The following CDKL4 variants were observed in gnomAD, a reference collection of about 807,000 sequenced individuals.
The protein encoded by CDKL4 is cyclin dependent kinase like 4, also known as cyclin-dependent kinase-like 4.
CDKL4 carries 44 observed loss-of-function variants against 42.0 expected under a neutral mutation model. That is an observed-to-expected ratio of 1.05 (90% confidence interval 0.82 to 1.35). The LOEUF (loss-of-function observed/expected upper bound fraction) is 1.35, where lower values mean the gene tolerates loss of function less well. Among genes scored for constraint, CDKL4 ranks in the 40% most tolerant of loss-of-function variants. The pLI is 0.00. For synonymous variants in CDKL4, 120 were observed against 121.6 expected, an observed-to-expected ratio of 0.99 and a Z score of 0.09; for missense variants, 393 against 369.9, an observed-to-expected ratio of 1.06 and a Z score of -0.51.
chr2:39,179,281 G>A (rs1472889579), exon 9 of CDKL4: 2 of 1,611,480 alleles, frequency 1.2e-6, no homozygotes. Flanking sequence ...CAGGAGTTGG[G>A]AACAGGTTAA....
In CDKL4 at chr2:39,184,634, TC is replaced by T; in HGVS notation, c.748del (p.Glu250LysfsTer11). The T allele has an allele frequency of 6.2e-7, 1 of 1,611,440 alleles. No homozygotes were observed. Among genetic ancestry groups the T allele is most frequent in the Middle Eastern group, 1.7e-4 (1 of 6,058 alleles). On this transcript the variant is annotated frameshift_variant, in exon 8 of 10. Coordinates refer to ENST00000451199, the Ensembl canonical transcript of CDKL4. LOFTEE classifies it high-confidence loss of function. Reference sequence around the variant, plus strand: ...CACAGGATGAACATCTGAGAACTTTTCCTCAAGAGTTTCCTGAAAAACAAGG... The same window carrying T: ...CACAGGATGAACATCTGAGAACTTTTCTCAAGAGTTTCCTGAAAAACAAGG...
chr2:39,235,007 G>A (rs1294774568), intron 1 of CDKL4, among the ~76,000 whole-genome samples: 1 of 151,584 alleles, frequency 6.6e-6, no homozygotes, highest in East Asian at 1.9e-4. Context: ...TCTCACCTTA[G>A]CCTCCCAAGT....
At chr2:39,243,784 G>A (rs1301328976) in intron 1 of CDKL4, among the ~76,000 whole-genome samples, 87 bp downstream of exon 1, 1 of 152,172 alleles carries the variant, frequency 6.6e-6, no homozygotes, top group Admixed American at 6.5e-5. Context: ...CCTGCAACTG[G>A]GATCCGCAGT....
At chr2:39,199,854 A>G (rs1364292021) in intron 5 of CDKL4, among the ~76,000 whole-genome samples, 1 of 152,202 alleles carries the variant, frequency 6.6e-6, no homozygotes, top group African/African-American at 2.4e-5. Flanking sequence ...AATAAAAACC[A>G]TTGATGACAA....
At chr2:39,201,304 TA>T (rs139925872) in intron 5 of CDKL4, among the ~76,000 whole-genome samples, 45 of 145,340 alleles carry the variant, frequency 3.1e-4, no homozygotes, top group African/African-American at 1.1e-3. Flanking sequence ...ACCAAAAAAA[TA>T]AAAAAAAAAA....
chr2:39,187,128 T>C (rs1348383131), intron 7 of CDKL4, among the ~76,000 whole-genome samples: 2 of 152,146 alleles, frequency 1.3e-5, no homozygotes, highest in Non-Finnish European at 2.9e-5. Context: ...TGAGATCTGA[T>C]GGTTTTAAAA....
chr2:39,172,774 G>C (rs966772639), downstream of CDKL4, among the ~76,000 whole-genome samples: 1 of 152,070 alleles, frequency 6.6e-6, no homozygotes, highest in Admixed American at 6.5e-5. Context: ...TAGAGATGGG[G>C]TTTTACCATG....
chr2:39,199,356 C>T (rs1048690262), intron 5 of CDKL4, among the ~76,000 whole-genome samples: 1 of 151,764 alleles, frequency 6.6e-6, no homozygotes, highest in East Asian at 1.9e-4. Context: ...TAAAAAGTTA[C>T]CAATGAAAAA....
At chr2:39,213,634 T>C (rs1371230798) in intron 3 of CDKL4, among the ~76,000 whole-genome samples, 162 bp from the exon 4 acceptor site, 1 of 152,204 alleles carries the variant, frequency 6.6e-6, no homozygotes, top group Non-Finnish European at 1.5e-5. Flanking sequence ...TTTACTATCT[T>C]TTTATTATGG....
intron 6 of CDKL4, among the ~76,000 whole-genome samples, chr2:39,188,585 A>G (rs894491710): frequency 5.9e-4 from 89 of 150,674 alleles, no homozygotes; most frequent in African/African-American, 2.2e-3. Flanking sequence ...AAAAAAAAAA[A>G]AAAAAGACAA....
chr2:39,209,028 T>C (rs1388717930), intron 4 of CDKL4, among the ~76,000 whole-genome samples: 1 of 151,170 alleles, frequency 6.6e-6, no homozygotes, highest in African/African-American at 2.4e-5. Flanking sequence ...CAGCTGGGCA[T>C]GGTGGCTCAT....
chr2:39,180,290 A>G (rs556751836), intron 8 of CDKL4, among the ~76,000 whole-genome samples: 82 of 152,356 alleles, frequency 5.4e-4, no homozygotes, highest in Non-Finnish European at 9.6e-4. Flanking sequence ...GCCTTCCATC[A>G]TAAGAGAGAA....
At chr2:39,226,835 C>T (rs559228937) in intron 2 of CDKL4, among the ~76,000 whole-genome samples, 1 of 151,470 alleles carries the variant, frequency 6.6e-6, no homozygotes, top group South Asian at 2.1e-4. Context: ...GGCGCCATCT[C>T]GGCTCACTAC....
rs35337082 is a variant in CDKL4 at position 39,233,912 on chromosome 2, CTT to C, written c.-56-4326_-56-4325del. Among the ~76,000 whole-genome samples, 875 of 90,626 alleles carry C rather than the reference CTT, an allele frequency of 9.7e-3. 7 individuals carry two copies. Among genetic ancestry groups the C allele is most frequent in the African/African-American group, 0.03 (775 of 25,878 alleles). 59.5% of individuals were successfully genotyped at this position (90,626 alleles called of 152,430 possible). ...TATATATATATAAATTTTATTTTTA[CTT>C]TTTTTTTTTTTTTTTTTGAGACAGA... On this transcript the variant is annotated intron_variant, in intron 1 of 9. Transcript: ENST00000451199.
intron 4 of CDKL4, among the ~76,000 whole-genome samples, chr2:39,205,658 G>C (rs1558563345): frequency 6.6e-6 from 1 of 150,790 alleles, no homozygotes; most frequent in African/African-American, 2.4e-5. Flanking sequence ...TACTCAGGAG[G>C]CTGAGGCAGG....
At chr2:39,183,371 C>G (rs562503641) in intron 8 of CDKL4, among the ~76,000 whole-genome samples, 2 of 152,238 alleles carry the variant, frequency 1.3e-5, no homozygotes, top group African/African-American at 4.8e-5. Context: ...CAGCACAATC[C>G]TTGATGCACT....
intron 9 of CDKL4, 144 bp downstream of exon 9, chr2:39,179,043 C>G: frequency 6.7e-7 from 1 of 1,488,246 alleles, no homozygotes; most frequent in East Asian, 2.3e-5. Context: ...CATCAATTAC[C>G]AATATTTATT....
chr2:39,239,254 GA>G lies in CDKL4; in HGVS notation c.-57+4616del, dbSNP rs1295457529. Among the ~76,000 whole-genome samples, 121 of 142,118 alleles carry G rather than the reference GA, an allele frequency of 8.5e-4. 1 individual carries two copies. Among genetic ancestry groups the G allele is most frequent in the South Asian group, 1.8e-3 (8 of 4,496 alleles). The allele number at this position is 142,118 out of a possible 152,430, so 93.2% of individuals were successfully genotyped here. A position where few individuals can be genotyped will look rare whatever the true frequency, so the allele number is the denominator to read the frequency against. ...AAGCATTAAAACTGTATAACTTCTA[GA>G]AAAAAAAAAAGAGGAGAAAAATCTT... On this transcript the variant is annotated intron_variant, in intron 1 of 9. Transcript: ENST00000451199.
Position 39,183,897 on chromosome 2 carries a change from A to G in CDKL4, c.792+694T>C, listed in dbSNP as rs540156298. Among the ~76,000 whole-genome samples, 4 of 152,252 alleles carry G rather than the reference A, an allele frequency of 2.6e-5. No individual in the cohort carries two copies. In the South Asian group the frequency reaches 8.3e-4, roughly 32 times the overall value. ...CATGGCAGTGACCAGCACTCGCACA[A>G]AGGCTGGTCTACAAAAGTTGACTCT... On this transcript the variant is annotated intron_variant, in intron 8 of 9. Coordinates refer to ENST00000451199, the Ensembl canonical transcript of CDKL4.
Sources: gnomAD v4.1 joint callset for allele counts (sites outside exome capture counted in the v4.1 genomes callset) on GRCh38, gnomAD v4.1.1 for gene constraint, MANE v1.5 for transcripts, NCBI Gene and HGNC (gene_info 2026-07-23, HGNC 2026-07-21) for gene names.